Variants in MTUS2 observed in about 807,000 individuals in gnomAD.
MTUS2 encodes the protein microtubule-associated tumor suppressor candidate 2.
A neutral mutation model predicts 114.1 loss-of-function variants in MTUS2; 40 were observed. That is an observed-to-expected ratio of 0.35 (90% CI 0.27 to 0.46). The LOEUF (loss-of-function observed/expected upper bound fraction) is 0.46, where lower values mean the gene tolerates loss of function less well. Among genes scored for constraint, MTUS2 ranks in the 20% least tolerant of loss-of-function variants. MTUS2 has a pLI of 1.00. For synonymous variants in MTUS2, 688 were observed against 672.0 expected (o/e 1.02, Z -0.37); for missense variants, 1,679 against 1,705.4 (o/e 0.98, Z 0.27).
intron 2 of MTUS2, among the ~76,000 whole-genome samples, chr13:28,892,792 G>C (rs984334265): frequency 6.6e-6 from 1 of 152,180 alleles, no homozygotes; most frequent in Non-Finnish European, 1.5e-5. Flanking sequence ...GCCTTGCAAT[G>C]AACCTCAGGT....
At chr13:29,057,534 C>G (rs1192485583) in intron 4 of MTUS2, among the ~76,000 whole-genome samples, 1 of 152,114 alleles carries the variant, frequency 6.6e-6, no homozygotes, top group South Asian at 2.1e-4. Flanking sequence ...GAACTGAATC[C>G]TCTGCCATTA....
intron 5 of MTUS2, among the ~76,000 whole-genome samples, chr13:29,162,548 G>A (rs1353841091): frequency 6.6e-6 from 1 of 152,154 alleles, no homozygotes; most frequent in Non-Finnish European, 1.5e-5. Flanking sequence ...CAACTTCTTT[G>A]ACCATGTTTT....
intron 5 of MTUS2, among the ~76,000 whole-genome samples, chr13:29,201,528 G>T (rs1306527710): frequency 2.0e-5 from 3 of 152,174 alleles, no homozygotes; most frequent in African/African-American, 7.2e-5. Flanking sequence ...ATATGGTTAT[G>T]TGTGAATTTG....
chr13:29,225,749 T>G (rs958002524), intron 5 of MTUS2, among the ~76,000 whole-genome samples: 1 of 152,220 alleles, frequency 6.6e-6, no homozygotes, highest in Non-Finnish European at 1.5e-5. Flanking sequence ...ATCGCTGTGC[T>G]CATGTGCTGA....
At chr13:28,873,033 G>A (rs1442500969) in intron 2 of MTUS2, among the ~76,000 whole-genome samples, 1 of 152,224 alleles carries the variant, frequency 6.6e-6, no homozygotes, top group Non-Finnish European at 1.5e-5. Flanking sequence ...ATGAAATGAT[G>A]TCTTTAAAAC....
rs1213255693 is a variant in MTUS2, at chr13:29,025,680, CAGGAAGGGTATCTGGGATGCCACA to C, written c.989_1012del (p.Gly330_Glu337del). On this transcript the variant is annotated inframe_deletion, in exon 3 of 16. Transcript: ENST00000612955. ...AGTTGAACAGGAGGGAAAGGCAGCCCAGGAAGGGTATCTGGGATGCCACAAGGAAGAGAATCTGTCAGCCTTGGA... is the reference window on the plus strand; with the variant it reads ...AGTTGAACAGGAGGGAAAGGCAGCCCAGGAAGAGAATCTGTCAGCCTTGGA... 1.9e-6 allele frequency: 3 copies of C among 1,613,820 alleles called. No homozygotes were observed. The African/African-American group carries it at 4.0e-5, about 22-fold the overall frequency.
intron 5 of MTUS2, among the ~76,000 whole-genome samples, chr13:29,136,825 A>C (rs529496352): frequency 6.6e-6 from 1 of 152,242 alleles, no homozygotes; most frequent in African/African-American, 2.4e-5. Flanking sequence ...GGATATCATG[A>C]ACCCTCAGTC....
intron 5 of MTUS2, among the ~76,000 whole-genome samples, chr13:29,231,642 G>C (rs1250328482): frequency 6.6e-6 from 1 of 152,128 alleles, no homozygotes; most frequent in Non-Finnish European, 1.5e-5. Flanking sequence ...CCCCTAAAAG[G>C]CTTCATGTTC....
At chr13:29,386,618 C>T (rs1872647712) in intron 8 of MTUS2, among the ~76,000 whole-genome samples, 1 of 152,132 alleles carries the variant, frequency 6.6e-6, no homozygotes, top group Admixed American at 6.5e-5. Flanking sequence ...AAAGTTTGGT[C>T]AAGGAGAGAG....
At chr13:28,841,475 C>T (rs750326600) in intron 2 of MTUS2, among the ~76,000 whole-genome samples, 2 of 152,090 alleles carry the variant, frequency 1.3e-5, no homozygotes, top group Non-Finnish European at 2.9e-5. Context: ...TAGTGGAGAG[C>T]TGGCAGCTGC....
At chr13:28,909,855 A>C (rs552576628) in intron 2 of MTUS2, among the ~76,000 whole-genome samples, 4 of 152,228 alleles carry the variant, frequency 2.6e-5, no homozygotes, top group African/African-American at 9.6e-5. Context: ...ATCAGTGTGC[A>C]AAAATCACAG....
chr13:28,955,121 TCC>T (rs1566249662), intron 2 of MTUS2, among the ~76,000 whole-genome samples: 1 of 152,176 alleles, frequency 6.6e-6, no homozygotes, highest in Admixed American at 6.5e-5. Flanking sequence ...TCTGATAGGA[TCC>T]AAAGACTTTG....
intron 6 of MTUS2, among the ~76,000 whole-genome samples, chr13:29,286,835 C>A (rs542512534): frequency 6.6e-6 from 1 of 152,120 alleles, no homozygotes; most frequent in Non-Finnish European, 1.5e-5. Context: ...TGATTACAGG[C>A]GTGTACCACC....
chr13:29,318,054 G>A (rs999259547), intron 6 of MTUS2, among the ~76,000 whole-genome samples: 2 of 152,142 alleles, frequency 1.3e-5, no homozygotes, highest in African/African-American at 4.8e-5. Context: ...TGATCTGTGG[G>A]GCCAGGGCAG....
At chr13:29,347,541 C>A (rs1469681950) in intron 7 of MTUS2, among the ~76,000 whole-genome samples, 4 of 141,314 alleles carry the variant, frequency 2.8e-5, no homozygotes, top group Admixed American at 2.1e-4. Flanking sequence ...AAAAAAAAAA[C>A]CCTATTCCTC....
At chr13:28,838,191 C>A (rs1483804099) in intron 1 of MTUS2, among the ~76,000 whole-genome samples, 1 of 152,202 alleles carries the variant, frequency 6.6e-6, no homozygotes, top group African/African-American at 2.4e-5. Flanking sequence ...TAGTAGGCTG[C>A]TGATTTAATG....
chr13:29,228,187 G>A (rs1896186172), intron 5 of MTUS2, among the ~76,000 whole-genome samples: 7 of 152,130 alleles, frequency 4.6e-5, no homozygotes, highest in Admixed American at 4.6e-4. Context: ...TAGGGGAGTG[G>A]GTGAATACGT....
intron 2 of MTUS2, among the ~76,000 whole-genome samples, chr13:28,842,889 C>G (rs985933595): frequency 1.3e-5 from 2 of 152,146 alleles, no homozygotes; most frequent in African/African-American, 4.8e-5. Context: ...GAGCCCAACA[C>G]TCATTATCTC....
At chr13:29,253,625 A>G (rs1231496458) in intron 5 of MTUS2, among the ~76,000 whole-genome samples, 1 of 152,094 alleles carries the variant, frequency 6.6e-6, no homozygotes, top group Non-Finnish European at 1.5e-5. Flanking sequence ...TAAAATAGAC[A>G]GAATTCCTGG....
Sources: gnomAD v4.1 joint callset for allele counts (sites outside exome capture counted in the v4.1 genomes callset) on GRCh38, gnomAD v4.1.1 for gene constraint, MANE v1.5 for transcripts, NCBI Gene and HGNC (gene_info 2026-07-23, HGNC 2026-07-21) for gene names.